SCYL3: variants seen among roughly 807,000 people sequenced by gnomAD.
The protein encoded by SCYL3 is protein-associating with the carboxyl-terminal domain of ezrin.
A neutral mutation model predicts 73.8 loss-of-function variants in SCYL3; 35 were observed. The ratio of observed to expected loss-of-function variants is 0.47; its 90% CI spans 0.36 to 0.63. The LOEUF is 0.63. SCYL3 is among the 20% of genes least tolerant of loss of function. The pLI, the probability that SCYL3 is intolerant of heterozygous loss-of-function variation, is 0.00. For missense variants in SCYL3, 712 were observed against 798.9 expected, an observed-to-expected ratio of 0.89 and a Z score of 1.31; for synonymous variants, 277 against 295.2, an observed-to-expected ratio of 0.94 and a Z score of 0.63.
intron 10 of SCYL3, 26 bp from the exon 11 acceptor site, chr1:169,859,238 T>C (rs750229200): frequency 6.3e-7 from 1 of 1,594,276 alleles, no homozygotes; most frequent in Admixed American, 1.8e-5. Flanking sequence ...GTAATAAGGG[T>C]TGACAACCAC....
At chr1:169,872,644 A>C (rs916122933) in intron 5 of SCYL3, among the ~76,000 whole-genome samples, 1 of 152,210 alleles carries the variant, frequency 6.6e-6, no homozygotes, top group Non-Finnish European at 1.5e-5. Context: ...CTGTGAAAGC[A>C]GCCAGGAGGG....
intron 2 of SCYL3, among the ~76,000 whole-genome samples, chr1:169,882,316 A>G (rs1368890680): frequency 6.6e-6 from 1 of 152,120 alleles, no homozygotes; most frequent in Admixed American, 6.5e-5. Context: ...TGCTGCACTC[A>G]TTTTCTCGCC....
chr1:169,885,517 CCTAAA>C (rs1306054339), intron 2 of SCYL3, among the ~76,000 whole-genome samples: 12 of 152,174 alleles, frequency 7.9e-5, no homozygotes, highest in East Asian at 3.9e-4. Flanking sequence ...AACCAAGATG[CCTAAA>C]CTAGAGAACA....
At chr1:169,875,538 A>G (rs2102182766) in intron 4 of SCYL3, among the ~76,000 whole-genome samples, 1 of 152,328 alleles carries the variant, frequency 6.6e-6, no homozygotes, top group East Asian at 1.9e-4. Flanking sequence ...TTCAAAGAAC[A>G]TTTTCTGAAT....
At chr1:169,860,174 C>T (rs765641710) in intron 10 of SCYL3, 1 of 152,202 alleles carries the variant, frequency 6.6e-6, no homozygotes, top group Non-Finnish European at 1.5e-5. Context: ...CAAATGCAGA[C>T]AGAAGAAAGG....
intron 1 of SCYL3, among the ~76,000 whole-genome samples, chr1:169,892,679 G>A (rs531536176): frequency 6.6e-6 from 1 of 152,144 alleles, no homozygotes; most frequent in Non-Finnish European, 1.5e-5. Flanking sequence ...ATATGCATCA[G>A]TCTTCCCTTT....
In SCYL3 at chr1:169,853,615, C is replaced by CACTT. The variant is rs1553258234; in HGVS notation, c.*94_*97dup. The CACTT allele has an allele frequency of 7.8e-7, 1 of 1,282,422 alleles. No individual in the cohort carries two copies. Among genetic ancestry groups the CACTT allele is most frequent in the Non-Finnish European group, 1.1e-6 (1 of 903,580 alleles). 79.4% of individuals were successfully genotyped at this position (1,282,422 alleles called of 1,614,324 possible). ...AGCTCCTGGGATGGGAAAAGCAGGC[C>CACTT]ACTTTGGGGTTTTCTTGTCCCAAAG... On this transcript the variant is annotated 3_prime_UTR_variant, in exon 13 of 13. Coordinates refer to ENST00000367771, the MANE Select transcript of SCYL3 (RefSeq NM_020423.7).
intron 2 of SCYL3, among the ~76,000 whole-genome samples, chr1:169,883,863 C>T (rs954891054): frequency 3.9e-5 from 6 of 151,908 alleles, no homozygotes; most frequent in African/African-American, 1.4e-4. Context: ...GGACTACAGG[C>T]GCCCGCTACC....
chr1:169,853,801 C>CCTT, intron 12 of SCYL3, 29 bp from the exon 13 acceptor site: 1 of 1,601,478 alleles, frequency 6.2e-7, no homozygotes, highest in African/African-American at 1.4e-5. Context: ...CACCAAGAAC[C>CCTT]CACTGAAACA....
intron 4 of SCYL3, among the ~76,000 whole-genome samples, chr1:169,875,413 A>G (rs1660724976): frequency 6.6e-6 from 1 of 152,258 alleles, no homozygotes; most frequent in Non-Finnish European, 1.5e-5. Flanking sequence ...CTCTCAGACA[A>G]AAGTATAAGG....
At chr1:169,891,491 T>C (rs1662083637) in intron 1 of SCYL3, among the ~76,000 whole-genome samples, 1 of 152,222 alleles carries the variant, frequency 6.6e-6, no homozygotes, top group Non-Finnish European at 1.5e-5. Context: ...CTCCAACTCC[T>C]GCCTGAAAAG....
Position 169,876,025 on chromosome 1 carries a change from G to T in SCYL3, c.418C>A (p.Leu140Ile), listed in dbSNP as rs1430339671. ...VFVSEDGHWK[L>I]GGMETVCKVS... ...TTACAAACAGTTTCCATTCCTCCTA[G>T]CTTCCAGTGTCCATCTTCACTCACA... Residue 140 changes from leucine (L) to isoleucine (I), a missense_variant, in exon 4 of 13, where the codon CTA becomes ATA. This residue lies in a region of SCYL3 where 342 missense variants were observed against 448.1 expected (regional missense o/e 0.76). Coordinates refer to ENST00000367771, the MANE Select transcript of SCYL3 (RefSeq NM_020423.7). The T allele has an allele frequency of 6.2e-7, 1 of 1,612,194 alleles. No individual in the cohort carries two copies. Among genetic ancestry groups the T allele is most frequent in the Admixed American group, 1.7e-5 (1 of 59,654 alleles).
At position 169,851,751 on chromosome 1, in the gene SCYL3, G is replaced by C; in HGVS notation, c.*1962C>G. 6.4e-7 allele frequency: 1 copy of C among 1,560,442 alleles called. No individual in the cohort carries two copies. Among genetic ancestry groups the C allele is most frequent in the Admixed American group, 1.9e-5 (1 of 52,890 alleles). ...GAACACTCAGCACTTAAATTATGTG[G>C]CCATTTCATATCTAGTAGAGTGCTA... is the stretch of plus-strand genomic sequence containing the variant. On this transcript the variant is annotated 3_prime_UTR_variant, in exon 13 of 13. Coordinates refer to ENST00000367771, the MANE Select transcript of SCYL3 (RefSeq NM_020423.7).
chr1:169,882,891 T>G (rs981550273), intron 2 of SCYL3, among the ~76,000 whole-genome samples: 2 of 152,090 alleles, frequency 1.3e-5, no homozygotes. Flanking sequence ...GTCAGCAGGA[T>G]GTGGGTCGGG....
At chr1:169,881,507 TATCA>T (rs1661256649) in intron 2 of SCYL3, among the ~76,000 whole-genome samples, 1 of 152,240 alleles carries the variant, frequency 6.6e-6, no homozygotes, top group African/African-American at 2.4e-5. Context: ...CCTACTGACC[TATCA>T]AACACTAGAT....
chr1:169,853,235 G>C lies in SCYL3; in HGVS notation c.*478C>G, dbSNP rs906985631. On this transcript the variant is annotated 3_prime_UTR_variant, in exon 13 of 13. Coordinates refer to ENST00000367771, the MANE Select transcript of SCYL3 (RefSeq NM_020423.7). ...AACCATTTACTCAGATAGTCTAACT[G>C]TAAACAAATAAATAAGCTGCCTAAG... The C allele has an allele frequency of 3.0e-5, 14 of 472,796 alleles. No homozygotes were observed. The highest frequency in any genetic ancestry group is 5.2e-5 in the Non-Finnish European group (14 of 268,076). The allele number at this position is 472,796 out of a possible 1,614,324, so 29.3% of individuals were successfully genotyped here. A position where few individuals can be genotyped will look rare whatever the true frequency, so the allele number is the denominator to read the frequency against.
chr1:169,878,739 A>C lies in SCYL3; in HGVS notation c.246T>G (p.Thr82=), dbSNP rs769844991. The change falls in exon 3 of 13, where the codon ACT becomes ACG. Residue 82 remains threonine, a synonymous_variant. Transcript: ENST00000367771. The part of the protein sequence containing the change: ...TVEADGIHLV[T]ERVQPLEVAL... Reference sequence around the variant, plus strand: ...CCACTTCCAGGGGCTGTACTCGCTCAGTGACAAGATGAATGCCATCCGCTT... The same window carrying C: ...CCACTTCCAGGGGCTGTACTCGCTCCGTGACAAGATGAATGCCATCCGCTT... The C allele has an allele frequency of 1.2e-6, 2 of 1,614,084 alleles. No homozygotes were observed. Among genetic ancestry groups the C allele is most frequent in the Non-Finnish European group, 1.7e-6 (2 of 1,180,026 alleles).
Position 169,852,671 on chromosome 1 carries a change from C to T in SCYL3, c.*1042G>A, listed in dbSNP as rs1658542696. 9 of 1,066,794 alleles carry T rather than the reference C, an allele frequency of 8.4e-6. No individual in the cohort carries two copies. Among genetic ancestry groups the T allele is most frequent in the East Asian group, 2.4e-5 (1 of 40,982 alleles). The allele number at this position is 1,066,794 out of a possible 1,614,324, so 66.1% of individuals were successfully genotyped here. On this transcript the variant is annotated 3_prime_UTR_variant, in exon 13 of 13. Coordinates refer to ENST00000367771, the MANE Select transcript of SCYL3 (RefSeq NM_020423.7). ...GTGTAGGGGTTTTGGGGTGCATCCTCCTACCCTTGTGATCCAATGACTAGA... is the reference window on the plus strand; with the variant it reads ...GTGTAGGGGTTTTGGGGTGCATCCTTCTACCCTTGTGATCCAATGACTAGA...
At chr1:169,860,865 T>G (rs552827432) in intron 10 of SCYL3, among the ~76,000 whole-genome samples, 1 of 152,328 alleles carries the variant, frequency 6.6e-6, no homozygotes, top group East Asian at 1.9e-4. Flanking sequence ...TATCTCCCTT[T>G]CTGTGGTCTC....
Sources: allele counts gnomAD v4.1 joint callset (sites outside exome capture counted in the v4.1 genomes callset), GRCh38; gene constraint gnomAD v4.1.1; regional missense constraint gnomAD v4.1.1; transcripts MANE v1.5; gene names NCBI Gene and HGNC (gene_info 2026-07-23, HGNC 2026-07-21).